RHAG: variants seen among roughly 807,000 people sequenced by gnomAD.
The protein encoded by RHAG is Rh associated glycoprotein.
RHAG carries 25 observed loss-of-function variants against 42.4 expected under a neutral mutation model. The ratio of observed to expected loss-of-function variants is 0.59; its 90% CI spans 0.43 to 0.82. The LOEUF is 0.82. Among genes scored for constraint, RHAG ranks in the 40% least tolerant of loss-of-function variants. The pLI is 0.00. For missense variants in RHAG, 483 were observed against 504.6 expected, an observed-to-expected ratio of 0.96 and a Z score of 0.41; for synonymous variants, 182 against 177.7, an observed-to-expected ratio of 1.02 and a Z score of -0.19.
chr6:49,630,109 C>T (rs1418444908), intron 1 of RHAG, among the ~76,000 whole-genome samples: 1 of 152,242 alleles, frequency 6.6e-6, no homozygotes, highest in Non-Finnish European at 1.5e-5. Context: ...GCTGTCACCT[C>T]TCACAGGTAT....
intron 7 of RHAG, among the ~76,000 whole-genome samples, chr6:49,607,545 C>T (rs2306440): frequency 0.22 from 32,705 of 152,008 alleles, 4,002 homozygotes; most frequent in Non-Finnish European, 0.28. Flanking sequence ...ATTGAGTATC[C>T]ACTCTCTGTC....
chr6:49,617,791 G>A (rs536780417), intron 3 of RHAG, among the ~76,000 whole-genome samples: 2 of 152,262 alleles, frequency 1.3e-5, no homozygotes, highest in African/African-American at 2.4e-5. Context: ...TCAGACTCTC[G>A]CAAGCCATTC....
chr6:49,616,036 T>A (rs1337507398), intron 3 of RHAG, among the ~76,000 whole-genome samples: 2 of 152,184 alleles, frequency 1.3e-5, no homozygotes, highest in Non-Finnish European at 2.9e-5. Context: ...ACATCTCTGA[T>A]CTAAGGATTC....
chr6:49,621,637 C>A (rs1275726346), intron 1 of RHAG, among the ~76,000 whole-genome samples: 1 of 152,126 alleles, frequency 6.6e-6, no homozygotes, highest in Non-Finnish European at 1.5e-5. Context: ...CACATATATT[C>A]ATTTTTCTTT....
Position 49,609,640 on chromosome 6 carries a change from G to A in RHAG, c.1067+1384C>T, listed in dbSNP as rs1762535768. 3.3e-5 allele frequency among the ~76,000 whole-genome samples: 5 copies of A among 152,294 alleles called. 1 individual carries two copies. The highest frequency in any genetic ancestry group is 2.6e-4 in the Admixed American group (4 of 15,288). The stretch of plus-strand genomic sequence containing the variant: ...AAGGGTTAAAAAATACAGAAGAAAT[G>A]TGTCAACTGTACACATGAAGAAGGA... On this transcript the variant is annotated intron_variant, in intron 7 of 9. Transcript: ENST00000371175.
At chr6:49,608,929 C>G (rs1189166730) in intron 7 of RHAG, among the ~76,000 whole-genome samples, 1 of 152,002 alleles carries the variant, frequency 6.6e-6, no homozygotes, top group Non-Finnish European at 1.5e-5. Flanking sequence ...TTGCCAAGAT[C>G]TTTTACAAGG....
intron 1 of RHAG, among the ~76,000 whole-genome samples, chr6:49,625,989 A>G (rs1196510122): frequency 1.3e-5 from 2 of 152,164 alleles, no homozygotes; most frequent in Admixed American, 6.5e-5. Context: ...CGCAGGAAAG[A>G]GTGGCCCCCG....
chr6:49,624,642 G>C (rs1762814535), intron 1 of RHAG, among the ~76,000 whole-genome samples: 2 of 152,180 alleles, frequency 1.3e-5, no homozygotes, highest in Admixed American at 6.5e-5. Flanking sequence ...TCTGTAAAAT[G>C]GGACTAATAC....
chr6:49,611,799 T>C (rs951471202), intron 6 of RHAG, among the ~76,000 whole-genome samples: 1 of 151,586 alleles, frequency 6.6e-6, no homozygotes, highest in African/African-American at 2.4e-5. Context: ...TGGAGGGTAA[T>C]GGTGCCATCT....
intron 1 of RHAG, 146 bp downstream of exon 1, chr6:49,636,510 A>T: frequency 1.2e-6 from 1 of 864,296 alleles, no homozygotes; most frequent in Non-Finnish European, 1.9e-6. Flanking sequence ...ACCAGATGTC[A>T]CATCACAAAC....
intron 5 of RHAG, among the ~76,000 whole-genome samples, chr6:49,613,830 T>C (rs1424147077): frequency 1.3e-5 from 2 of 152,232 alleles, no homozygotes; most frequent in Non-Finnish European, 2.9e-5. Context: ...TACATAACCA[T>C]GGAATCGAAA....
Position 49,619,212 on chromosome 6 carries a change from C to T in RHAG, c.308G>A (p.Ser103Asn), listed in dbSNP as rs747990208. 5.6e-6 allele frequency: 9 copies of T among 1,613,978 alleles called. No homozygotes were observed. Among genetic ancestry groups the T allele is most frequent in the Non-Finnish European group, 5.9e-6 (7 of 1,179,978 alleles). The change falls in exon 2 of 10, where the codon AGC (serine) becomes AAC (asparagine). Residue 103 changes from serine (S) to asparagine (N), a missense_variant. Transcript: ENST00000371175. Reference protein sequence around the residue: ...WGTIVQGILQSQGQKFNIGIK... With the variant: ...WGTIVQGILQNQGQKFNIGIK... ...TCCAATGTTAAATTTCTGTCCCTGG[C>T]TTTGCAGGATTCCCTGTACAATAGT...
At chr6:49,635,990 G>A (rs961419366) in intron 1 of RHAG, among the ~76,000 whole-genome samples, 5 of 152,174 alleles carry the variant, frequency 3.3e-5, no homozygotes, top group East Asian at 1.9e-4. Context: ...GGTAGTTATT[G>A]TTATATTAAC....
chr6:49,606,602 A>G, intron 9 of RHAG: 1 of 419,568 alleles, frequency 2.4e-6, no homozygotes, highest in Non-Finnish European at 4.2e-6. Flanking sequence ...ATTGAAAGAA[A>G]AATTTTAAAT....
chr6:49,606,995 A>G (rs891118203), intron 8 of RHAG, 74 bp from the exon 9 acceptor site: 2 of 1,222,990 alleles, frequency 1.6e-6, no homozygotes, highest in Admixed American at 3.4e-5. Flanking sequence ...TAGCTTATAT[A>G]CTATTATAAA....
At chr6:49,635,303 C>G (rs3799678) in intron 1 of RHAG, among the ~76,000 whole-genome samples, 2 of 151,662 alleles carry the variant, frequency 1.3e-5, no homozygotes, top group Admixed American at 6.6e-5. Flanking sequence ...TTATTTAAAT[C>G]ATATTAATCT....
intron 1 of RHAG, among the ~76,000 whole-genome samples, chr6:49,626,988 G>C (rs9463522): frequency 0.23 from 34,275 of 152,140 alleles, 4,206 homozygotes; most frequent in African/African-American, 0.32. Flanking sequence ...AGGTTGCATA[G>C]AGCAGGGAAG....
chr6:49,619,871 T>C (rs924475632), intron 1 of RHAG, among the ~76,000 whole-genome samples: 5 of 152,224 alleles, frequency 3.3e-5, no homozygotes, highest in Non-Finnish European at 1.5e-5. Context: ...AACTTCTTGA[T>C]TGAAGGGGTT....
At chr6:49,615,593 A>G (rs1396463247) in intron 4 of RHAG, 31 bp downstream of exon 4, 5 of 1,613,096 alleles carry the variant, frequency 3.1e-6, no homozygotes, top group Admixed American at 1.7e-5. Context: ...TTTCAAATAG[A>G]TAAGATTCAA....
Sources: allele counts gnomAD v4.1 joint callset (sites outside exome capture counted in the v4.1 genomes callset), GRCh38; gene constraint gnomAD v4.1.1; transcripts MANE v1.5; gene names NCBI Gene and HGNC (gene_info 2026-07-23, HGNC 2026-07-21).